Variants in CDK14 observed in about 807,000 individuals in gnomAD.
CDK14 encodes cyclin dependent kinase 14.
A neutral mutation model predicts 60.7 loss-of-function variants in CDK14; 34 were observed. The ratio of observed to expected loss-of-function variants is 0.56; its 90% CI spans 0.43 to 0.75. The LOEUF (loss-of-function observed/expected upper bound fraction) is 0.75. CDK14 is among the 30% of genes least tolerant of loss of function. The probability of loss-of-function intolerance (pLI) is 0.00; values close to 1 mark genes in which losing one functional copy is unlikely to be tolerated. For synonymous variants in CDK14, 197 were observed against 203.7 expected (o/e 0.97, Z 0.28); for missense variants, 482 against 564.1 (o/e 0.85, Z 1.47).
intron 2 of CDK14, among the ~76,000 whole-genome samples, chr7:90,609,496 G>A (rs906520729): frequency 2.0e-5 from 3 of 152,048 alleles, no homozygotes; most frequent in African/African-American, 7.2e-5. Context: ...TGATAGTGAG[G>A]GAATTCTTGT....
chr7:91,173,320 G>A (rs539935436), intron 14 of CDK14, among the ~76,000 whole-genome samples: 1 of 152,212 alleles, frequency 6.6e-6, no homozygotes, highest in Admixed American at 6.5e-5. Context: ...GTTTTGGGGT[G>A]CGATGGCACA....
At chr7:90,691,327 G>T (rs1272018298) in intron 2 of CDK14, among the ~76,000 whole-genome samples, 1 of 151,994 alleles carries the variant, frequency 6.6e-6, no homozygotes, top group African/African-American at 2.4e-5. Flanking sequence ...AAGAGAAGGG[G>T]GGTATAGGAA....
At chr7:90,825,127 T>C (rs1335149559) in intron 5 of CDK14, among the ~76,000 whole-genome samples, 1 of 152,164 alleles carries the variant, frequency 6.6e-6, no homozygotes, top group African/African-American at 2.4e-5. Flanking sequence ...TCATAAAGAA[T>C]AGGATGATGT....
chr7:91,059,182 T>G (rs985876939), intron 11 of CDK14, among the ~76,000 whole-genome samples: 2 of 152,256 alleles, frequency 1.3e-5, no homozygotes, highest in Non-Finnish European at 1.5e-5. Context: ...ATTTTCTAAT[T>G]TATTTACATA....
rs1800371928 is a variant in CDK14 at position 91,139,238 on chromosome 7, A to G, written c.*28+21030A>G. Among the ~76,000 whole-genome samples, 3 of 152,200 alleles carry G rather than the reference A, an allele frequency of 2.0e-5. No individual in the cohort carries two copies. The South Asian group carries it at 6.2e-4, about 31-fold the overall frequency. ...GTGTTTTTTTAACTCCTTATTGGAT[A>G]GTGATATCAATCTAGTAGACTGGAG... On this transcript the variant is annotated intron_variant, in intron 14 of 14. Transcript: ENST00000380050.
intron 2 of CDK14, among the ~76,000 whole-genome samples, chr7:90,657,159 A>G (rs1391632446): frequency 6.6e-6 from 1 of 152,220 alleles, no homozygotes; most frequent in Non-Finnish European, 1.5e-5. Context: ...AGAGACTATC[A>G]TAGTTTTACA....
intron 14 of CDK14, among the ~76,000 whole-genome samples, chr7:91,159,599 G>A (rs1432583880): frequency 2.6e-5 from 4 of 152,242 alleles, no homozygotes; most frequent in Non-Finnish European, 4.4e-5. Flanking sequence ...TGGGAGCAGA[G>A]GATGTGCCCA....
intron 2 of CDK14, among the ~76,000 whole-genome samples, chr7:90,614,941 A>G (rs886967020): frequency 2.6e-5 from 4 of 152,224 alleles, no homozygotes; most frequent in African/African-American, 9.6e-5. Context: ...CAGTGGTTTT[A>G]GGAAAAAGCC....
chr7:90,807,198 G>A (rs1180671424), intron 5 of CDK14, among the ~76,000 whole-genome samples: 4 of 152,184 alleles, frequency 2.6e-5, no homozygotes, highest in South Asian at 2.1e-4. Context: ...CCCGAGTAGC[G>A]TAAGTGGGAG....
intron 4 of CDK14, among the ~76,000 whole-genome samples, chr7:90,755,079 G>C (rs564186223): frequency 6.6e-6 from 1 of 152,230 alleles, no homozygotes; most frequent in South Asian, 2.1e-4. Context: ...CTTAAAACAG[G>C]AACTGTCATT....
At chr7:91,033,516 T>C (rs763013589) in intron 10 of CDK14, among the ~76,000 whole-genome samples, 1 of 152,142 alleles carries the variant, frequency 6.6e-6, no homozygotes, top group Non-Finnish European at 1.5e-5. Flanking sequence ...CCACCTGGGG[T>C]TCTTCATGAG....
At chr7:90,842,225 A>G (rs1790320276) in intron 5 of CDK14, among the ~76,000 whole-genome samples, 1 of 152,190 alleles carries the variant, frequency 6.6e-6, no homozygotes, top group Admixed American at 6.6e-5. Context: ...TTTTGATCCT[A>G]TGAAGCCATC....
chr7:90,822,590 C>T (rs1789587975), intron 5 of CDK14, among the ~76,000 whole-genome samples: 1 of 152,156 alleles, frequency 6.6e-6, no homozygotes, highest in South Asian at 2.1e-4. Flanking sequence ...CTTCCCTTAC[C>T]TGCAGAGCAG....
intron 5 of CDK14, among the ~76,000 whole-genome samples, chr7:90,856,052 C>CT (rs761247323): frequency 1.3e-5 from 2 of 152,152 alleles, no homozygotes; most frequent in African/African-American, 2.4e-5. Context: ...CTGAAAAACT[C>CT]TTAAGAAGCA....
intron 7 of CDK14, among the ~76,000 whole-genome samples, chr7:90,916,530 G>A (rs749573165): frequency 1.3e-5 from 2 of 152,144 alleles, no homozygotes; most frequent in Non-Finnish European, 2.9e-5. Context: ...AGATGCCACT[G>A]TCCAGGGCCC....
At chr7:90,683,206 C>A (rs1305242832) in intron 2 of CDK14, among the ~76,000 whole-genome samples, 1 of 152,048 alleles carries the variant, frequency 6.6e-6, no homozygotes, top group African/African-American at 2.4e-5. Flanking sequence ...CGTGCAAGAT[C>A]CCCTATATTT....
At chr7:91,006,242 A>G (rs908360003) in intron 10 of CDK14, among the ~76,000 whole-genome samples, 12 of 152,278 alleles carry the variant, frequency 7.9e-5, no homozygotes, top group Non-Finnish European at 1.0e-4. Context: ...CTTAAAGAAT[A>G]TAAGTTTCCA....
At chr7:91,034,939 T>TACACACAC (rs1424202298) in intron 10 of CDK14, among the ~76,000 whole-genome samples, 1 of 94,516 alleles carries the variant, frequency 1.1e-5, no homozygotes, top group East Asian at 4.0e-4. Context: ...CACACACACA[T>TACACACAC]ACACATACAC....
At position 91,070,359 on chromosome 7, in the gene CDK14, G is replaced by A. The variant is rs145629388; in HGVS notation, c.1106-9073G>A. On this transcript the variant is annotated intron_variant, in intron 11 of 14. Coordinates refer to ENST00000380050, the MANE Select transcript of CDK14 (RefSeq NM_001287135.2). ...CTCATGTTTCTAGAATAAGAGCTCC[G>A]TGAAGAAAGAGACTTGTTCTGTTTT... Among the ~76,000 whole-genome samples, 342 of 152,226 alleles carry A rather than the reference G, an allele frequency of 2.2e-3. 2 individuals carry two copies. The highest frequency in any genetic ancestry group is 7.6e-3 in the African/African-American group (317 of 41,528).
Sources: gnomAD v4.1 joint callset for allele counts (sites outside exome capture counted in the v4.1 genomes callset) on GRCh38, gnomAD v4.1.1 for gene constraint, MANE v1.5 for transcripts, NCBI Gene and HGNC (gene_info 2026-07-23, HGNC 2026-07-21) for gene names.